The following SNX13 variants were observed in gnomAD, a reference collection of about 807,000 sequenced individuals.
The protein encoded by SNX13 is sorting nexin 13.
SNX13 carries 45 observed loss-of-function variants against 133.6 expected under a neutral mutation model. The observed-to-expected ratio is 0.34, with a 90% confidence interval of 0.27 to 0.43. SNX13 has a LOEUF of 0.43. Among genes scored for constraint, SNX13 ranks in the 20% least tolerant of loss-of-function variants. The pLI is 1.00. For synonymous variants in SNX13, 414 were observed against 373.9 expected (o/e 1.11, Z -1.24); for missense variants, 1,032 against 1,145.1 (o/e 0.90, Z 1.43).
chr7:17,826,435 T>G (rs966482487), intron 16 of SNX13, among the ~76,000 whole-genome samples: 2 of 152,046 alleles, frequency 1.3e-5, no homozygotes, highest in East Asian at 3.8e-4. Context: ...CATATTATGT[T>G]AACATTTACA....
chr7:17,869,964 T>C (rs1218690572), intron 8 of SNX13, among the ~76,000 whole-genome samples: 1 of 152,112 alleles, frequency 6.6e-6, no homozygotes, highest in Non-Finnish European at 1.5e-5. Context: ...TTTGATTAAA[T>C]TTTGTGTTTC....
intron 8 of SNX13, among the ~76,000 whole-genome samples, chr7:17,870,333 C>G (rs1332949063): frequency 6.6e-6 from 1 of 152,110 alleles, no homozygotes; most frequent in Admixed American, 6.5e-5. Context: ...ACTCTTTCGT[C>G]TGTTATTTAA....
chr7:17,937,525 A>T (rs1185476075), intron 1 of SNX13, among the ~76,000 whole-genome samples: 1 of 151,900 alleles, frequency 6.6e-6, no homozygotes, highest in Non-Finnish European at 1.5e-5. Flanking sequence ...AAAAAAAAAA[A>T]AAAAAAAAAG....
intron 20 of SNX13, among the ~76,000 whole-genome samples, chr7:17,806,980 C>T (rs113067328): frequency 0.019 from 2,940 of 152,310 alleles, 48 homozygotes; most frequent in Non-Finnish European, 0.032. Flanking sequence ...AGATTTCCTC[C>T]GGTGCCTCCG....
intron 1 of SNX13, among the ~76,000 whole-genome samples, chr7:17,912,122 A>T (rs951936771): frequency 2.0e-5 from 3 of 152,210 alleles, no homozygotes; most frequent in Admixed American, 2.0e-4. Flanking sequence ...AACAGGATTC[A>T]CCAGAATGCA....
intron 11 of SNX13, among the ~76,000 whole-genome samples, chr7:17,849,497 C>CTTCCTTTTTTT (rs1301692061): frequency 6.6e-6 from 1 of 152,134 alleles, no homozygotes. Context: ...ATAATTTTAA[C>CTTCCTTTTTTT]TTTTAGCTTG....
intron 13 of SNX13, among the ~76,000 whole-genome samples, chr7:17,838,471 A>G (rs577581073): frequency 6.6e-4 from 101 of 151,906 alleles, no homozygotes; most frequent in African/African-American, 2.3e-3. Flanking sequence ...TCTGTTTTCT[A>G]TTCACTGATT....
Position 17,920,733 on chromosome 7 carries a change from T to C in SNX13, c.12+19551A>G, listed in dbSNP as rs189684274. On this transcript the variant is annotated intron_variant, in intron 1 of 25. Coordinates refer to ENST00000428135, the MANE Select transcript of SNX13 (RefSeq NM_015132.5). ...TTGTGAATTTCACTTTGATTCTCTA[T>C]GCATAAAAATTCTAATGCATAAATA... Among the ~76,000 whole-genome samples the C allele has an allele frequency of 4.1e-3, 619 of 152,334 alleles. 5 individuals are homozygous for C. The highest frequency in any genetic ancestry group is 3.9e-3 in the Non-Finnish European group (264 of 68,034).
intron 9 of SNX13, among the ~76,000 whole-genome samples, chr7:17,853,682 G>A (rs1791517074): frequency 6.6e-6 from 1 of 152,144 alleles, no homozygotes; most frequent in Non-Finnish European, 1.5e-5. Context: ...AGTGGCTCAC[G>A]CCTGTAATCC....
intron 17 of SNX13, among the ~76,000 whole-genome samples, chr7:17,824,521 GTAT>G (rs553891799): frequency 1.3e-5 from 2 of 151,526 alleles, no homozygotes; most frequent in Non-Finnish European, 1.5e-5. Context: ...TATGAGTTAT[GTAT>G]TATTATTATT....
At chr7:17,910,755 G>C (rs1261014358) in intron 1 of SNX13, among the ~76,000 whole-genome samples, 1 of 152,110 alleles carries the variant, frequency 6.6e-6, no homozygotes. Context: ...TAATATGAAT[G>C]AGCTTAAAAA....
intron 13 of SNX13, among the ~76,000 whole-genome samples, chr7:17,839,435 T>C (rs991958502): frequency 2.6e-5 from 4 of 151,864 alleles, no homozygotes; most frequent in South Asian, 2.1e-4. Context: ...GGGGCTCTGT[T>C]ATTAAATGTA....
intron 20 of SNX13, among the ~76,000 whole-genome samples, chr7:17,805,250 T>TGTGTGCGCGCGCGCGCGC: frequency 4.2e-5 from 4 of 95,560 alleles, no homozygotes; most frequent in Non-Finnish European, 7.6e-5. Flanking sequence ...TGTGTGTGTG[T>TGTGTGCGCGCGCGCGCGC]GCGTGCGCGC....
intron 8 of SNX13, among the ~76,000 whole-genome samples, chr7:17,871,160 C>T (rs1266435926): frequency 5.3e-5 from 8 of 152,076 alleles, no homozygotes; most frequent in Non-Finnish European, 8.8e-5. Flanking sequence ...CGCCTGCCAC[C>T]ATGCCCAGCT....
At chr7:17,797,920 A>G (rs59412224) in intron 24 of SNX13, among the ~76,000 whole-genome samples, 2,777 of 151,946 alleles carry the variant, frequency 0.018, 91 homozygotes, top group African/African-American at 0.062. Flanking sequence ...CAATTTCCTT[A>G]TAACAAAATA....
At chr7:17,859,521 T>C (rs1792359767) in intron 9 of SNX13, among the ~76,000 whole-genome samples, 1 of 152,180 alleles carries the variant, frequency 6.6e-6, no homozygotes. Context: ...TTTCATTCTT[T>C]TTTCTACTGT....
chr7:17,902,494 T>C (rs543907885), intron 1 of SNX13, among the ~76,000 whole-genome samples: 1 of 152,294 alleles, frequency 6.6e-6, no homozygotes, highest in East Asian at 1.9e-4. Flanking sequence ...TATAACTGGC[T>C]GACATTATAA....
chr7:17,895,794 T>C (rs945200005), intron 2 of SNX13, among the ~76,000 whole-genome samples: 9 of 152,192 alleles, frequency 5.9e-5, no homozygotes, highest in African/African-American at 2.2e-4. Flanking sequence ...CTCTTCTCTT[T>C]TTCCTAAATT....
intron 15 of SNX13, among the ~76,000 whole-genome samples, chr7:17,833,563 G>C (rs1006432007): frequency 6.6e-6 from 1 of 151,686 alleles, no homozygotes; most frequent in Middle Eastern, 3.4e-3. Context: ...TGAAGGTTGG[G>C]ATAAATGACT....
Sources: allele counts gnomAD v4.1 joint callset (sites outside exome capture counted in the v4.1 genomes callset), GRCh38; gene constraint gnomAD v4.1.1; transcripts MANE v1.5; gene names NCBI Gene and HGNC (gene_info 2026-07-23, HGNC 2026-07-21).